PDSS2: variants seen among roughly 807,000 people sequenced by gnomAD.
The protein encoded by PDSS2 is all trans-polyprenyl-diphosphate synthase PDSS2.
PDSS2 carries 31 observed loss-of-function variants against 44.5 expected under a neutral mutation model. The ratio of observed to expected loss-of-function variants is 0.70; its 90% CI spans 0.52 to 0.94. The LOEUF (loss-of-function observed/expected upper bound fraction) is 0.94. PDSS2 is among the 40% of genes least tolerant of loss of function. The pLI is 0.00. For synonymous variants in PDSS2, 157 were observed against 180.3 expected (o/e 0.87, Z 1.03); for missense variants, 452 against 482.2 (o/e 0.94, Z 0.59).
chr6:107,240,547 C>T (rs1353012476), intron 4 of PDSS2, among the ~76,000 whole-genome samples: 1 of 151,718 alleles, frequency 6.6e-6, no homozygotes, highest in East Asian at 1.9e-4. Flanking sequence ...TACAGGCGCG[C>T]ACCACCAAGC....
chr6:107,400,454 G>C (rs998512329), intron 1 of PDSS2, among the ~76,000 whole-genome samples: 1 of 152,212 alleles, frequency 6.6e-6, no homozygotes, highest in Non-Finnish European at 1.5e-5. Flanking sequence ...TGTGGGACTG[G>C]ACTGGGAGGA....
rs9486587 is a variant in PDSS2, at chr6:107,323,825, A to G, written c.431+10373T>C. Among the ~76,000 whole-genome samples the G allele has an allele frequency of 4.8e-3, 736 of 152,266 alleles. 8 individuals carry two copies. The highest frequency in any genetic ancestry group is 0.017 in the African/African-American group (711 of 41,546). On this transcript the variant is annotated intron_variant, in intron 2 of 7. Transcript: ENST00000369037. ...CATACAGCCCTTCTTTAAGGAAAGG[A>G]TTTTAAAATTTTTTACTATTAACAA...
intron 1 of PDSS2, among the ~76,000 whole-genome samples, chr6:107,396,686 T>C (rs866377197): frequency 1.5e-4 from 22 of 142,166 alleles, no homozygotes; most frequent in African/African-American, 4.7e-4. Flanking sequence ...TTCTTTTTTT[T>C]TTTTTTTTTT....
At chr6:107,397,292 A>G (rs933368465) in intron 1 of PDSS2, among the ~76,000 whole-genome samples, 2 of 152,156 alleles carry the variant, frequency 1.3e-5, no homozygotes. Flanking sequence ...ATAGTACAAA[A>G]GCATTGGAAG....
At chr6:107,417,084 TA>T (rs1477632843) in intron 1 of PDSS2, among the ~76,000 whole-genome samples, 1 of 151,876 alleles carries the variant, frequency 6.6e-6, no homozygotes, top group African/African-American at 2.4e-5. Context: ...TTATAAAAAA[TA>T]AAAATTTTTT....
chr6:107,255,672 AG>A (rs1263835283), intron 3 of PDSS2, among the ~76,000 whole-genome samples: 1 of 152,154 alleles, frequency 6.6e-6, no homozygotes, highest in Non-Finnish European at 1.5e-5. Flanking sequence ...CCCAATGAAA[AG>A]GATGTGATCT....
intron 4 of PDSS2, among the ~76,000 whole-genome samples, chr6:107,215,848 G>T (rs906158781): frequency 1.2e-4 from 18 of 152,040 alleles, no homozygotes; most frequent in African/African-American, 4.3e-4. Flanking sequence ...TAAAAAACTG[G>T]GAATAAGGTC....
At chr6:107,439,483 C>T (rs957331427) in intron 1 of PDSS2, among the ~76,000 whole-genome samples, 1 of 152,174 alleles carries the variant, frequency 6.6e-6, no homozygotes, top group Non-Finnish European at 1.5e-5. Flanking sequence ...GCCACCTCTC[C>T]CTCAAACTAC....
chr6:107,348,909 T>C (rs566129133), intron 1 of PDSS2, among the ~76,000 whole-genome samples: 1 of 152,280 alleles, frequency 6.6e-6, no homozygotes, highest in Non-Finnish European at 1.5e-5. Context: ...GTTATCCTAA[T>C]TTTACAGATG....
At chr6:107,393,059 G>A (rs1779831964) in intron 1 of PDSS2, among the ~76,000 whole-genome samples, 1 of 151,852 alleles carries the variant, frequency 6.6e-6, no homozygotes, top group South Asian at 2.1e-4. Context: ...CACTGATTCT[G>A]CTCTATATTA....
At chr6:107,257,970 AT>A (rs1775081404) in intron 3 of PDSS2, among the ~76,000 whole-genome samples, 1 of 151,990 alleles carries the variant, frequency 6.6e-6, no homozygotes, top group African/African-American at 2.4e-5. Context: ...ACACACAAAA[AT>A]TTTTTTTGAA....
rs1485685749 is a variant in PDSS2, at chr6:107,459,144, G to A, written c.142C>T (p.His48Tyr). The A allele has an allele frequency of 6.2e-7, 1 of 1,614,060 alleles. No individual in the cohort carries two copies. Among genetic ancestry groups the A allele is most frequent in the Non-Finnish European group, 8.5e-7 (1 of 1,180,058 alleles). ...WRGRSSKSPAHWNQVVSEAEK... is the reference protein window; with the variant it reads ...WRGRSSKSPAYWNQVVSEAEK... ...GCCTCTGACACTACCTGATTCCAGT[G>A]GGCCGGGGACTTGGAGGACCGACCA... Residue 48 changes from histidine (H) to tyrosine (Y), a missense_variant, in exon 1 of 8, where the codon CAC becomes TAC. Coordinates refer to ENST00000369037, the MANE Select transcript of PDSS2 (RefSeq NM_020381.4). This position sits in a 1 kb window ranked among gnomAD's most constrained non-coding sequence, Gnocchi z 4.3.
At chr6:107,176,558 T>A (rs1224287946) in intron 7 of PDSS2, among the ~76,000 whole-genome samples, 2 of 152,184 alleles carry the variant, frequency 1.3e-5, no homozygotes, top group Admixed American at 1.3e-4. Flanking sequence ...TTATGCTTAG[T>A]CTGGATGGTA....
intron 1 of PDSS2, among the ~76,000 whole-genome samples, chr6:107,424,761 T>C (rs898562616): frequency 3.3e-5 from 5 of 152,200 alleles, no homozygotes; most frequent in Non-Finnish European, 7.4e-5. Flanking sequence ...AGAGACCTCA[T>C]TGGAGAATAT....
At chr6:107,328,404 T>G (rs552984564) in intron 2 of PDSS2, among the ~76,000 whole-genome samples, 1 of 152,244 alleles carries the variant, frequency 6.6e-6, no homozygotes, top group Non-Finnish European at 1.5e-5. Context: ...TTCACCTGAG[T>G]CTCAGTTTTC....
At chr6:107,211,718 G>C (rs1316870775) in intron 5 of PDSS2, among the ~76,000 whole-genome samples, 1 of 137,944 alleles carries the variant, frequency 7.2e-6, no homozygotes, top group Admixed American at 7.8e-5. Context: ...CTGGGTGACA[G>C]AGCGAGACTC....
chr6:107,428,397 G>A (rs1165076470), intron 1 of PDSS2, among the ~76,000 whole-genome samples: 1 of 152,212 alleles, frequency 6.6e-6, no homozygotes, highest in Non-Finnish European at 1.5e-5. Flanking sequence ...TACACAAGAT[G>A]AATGCCGTGA....
intron 4 of PDSS2, among the ~76,000 whole-genome samples, chr6:107,242,555 T>C (rs1242934171): frequency 6.6e-6 from 1 of 152,170 alleles, no homozygotes; most frequent in East Asian, 1.9e-4. Context: ...AAAATTATTA[T>C]TTTTTAAGAG....
chr6:107,197,001 C>T (rs763175221), intron 6 of PDSS2, among the ~76,000 whole-genome samples: 5 of 152,192 alleles, frequency 3.3e-5, no homozygotes, highest in Non-Finnish European at 5.9e-5. Flanking sequence ...CACGCCCCTT[C>T]CCACTTGTCT....
Sources: gnomAD v4.1 joint callset for allele counts (sites outside exome capture counted in the v4.1 genomes callset) on GRCh38, gnomAD v4.1.1 for gene constraint, Gnocchi (gnomAD v3.1) non-coding constraint, MANE v1.5 for transcripts, NCBI Gene and HGNC (gene_info 2026-07-23, HGNC 2026-07-21) for gene names.